LINGO2: variants seen among roughly 807,000 people sequenced by gnomAD.
LINGO2 encodes leucine-rich repeat and immunoglobulin-like domain-containing nogo receptor-interacting protein 2.
LINGO2 carries 14 observed loss-of-function variants against 30.6 expected under a neutral mutation model. The observed-to-expected ratio is 0.46, with a 90% CI of 0.30 to 0.72. LINGO2 has a LOEUF of 0.72. Ranked by LOEUF, LINGO2 falls within the 30% of genes least tolerant of loss-of-function variation. The probability of loss-of-function intolerance (pLI) is 0.07; values close to 1 mark genes in which losing one functional copy is unlikely to be tolerated. For synonymous variants in LINGO2, 317 were observed against 288.5 expected, an observed-to-expected ratio of 1.10 and a Z score of -1.00; for missense variants, 729 against 751.7, an observed-to-expected ratio of 0.97 and a Z score of 0.35.
the LINGO2 span, among the ~76,000 whole-genome samples, chr9:28,762,500 C>T: frequency 3.3e-5 from 5 of 151,926 alleles, no homozygotes; most frequent in Non-Finnish European, 7.4e-5. Context: ...TAGTCCCTCC[C>T]CCAAACTAAA....
chr9:28,350,208 T>C (rs1347106138), intron 3 of LINGO2, among the ~76,000 whole-genome samples: 2 of 140,774 alleles, frequency 1.4e-5, no homozygotes, highest in African/African-American at 5.4e-5. Flanking sequence ...GACTGGCAAA[T>C]TGGATAAAGA....
the LINGO2 span, among the ~76,000 whole-genome samples, chr9:29,168,718 G>A: frequency 6.6e-6 from 1 of 152,098 alleles, no homozygotes; most frequent in Non-Finnish European, 1.5e-5. Context: ...GAAACAGAAA[G>A]GTGAAAAGAA....
At position 28,054,633 on chromosome 9, in the gene LINGO2, CAG is replaced by C. The variant is rs1346368729; in HGVS notation, c.-86-42230_-86-42229del. Among the ~76,000 whole-genome samples, 4 of 152,204 alleles carry C rather than the reference CAG, an allele frequency of 2.6e-5. No homozygotes were observed. The East Asian group carries it at 5.8e-4, about 22-fold the overall frequency. On this transcript the variant is annotated intron_variant, in intron 4 of 5. Transcript: ENST00000379992. ...TATCTTCCTCAAAAGTGAACAAAAA[CAG>C]AGCAGGCATTAATTTGACTTTGTCT...
the LINGO2 span, among the ~76,000 whole-genome samples, chr9:29,175,296 C>T: frequency 1.3e-5 from 2 of 152,098 alleles, no homozygotes; most frequent in Non-Finnish European, 2.9e-5. Context: ...TCTCAGTGTT[C>T]ATTATTCACT....
At chr9:29,187,780 A>ATTTTTTTTTTTTTTT in the LINGO2 span, among the ~76,000 whole-genome samples, 6 of 118,846 alleles carry the variant, frequency 5.0e-5, no homozygotes, top group East Asian at 2.4e-4. Context: ...ATACATTTCA[A>ATTTTTTTTTTTTTTT]TTTTTTTTTT....
At chr9:29,020,514 A>G in the LINGO2 span, among the ~76,000 whole-genome samples, 1 of 152,152 alleles carries the variant, frequency 6.6e-6, no homozygotes, top group African/African-American at 2.4e-5. Flanking sequence ...TCTCTAGAAT[A>G]TGACTTTATT....
At chr9:28,440,421 G>A (rs947200284) in intron 2 of LINGO2, among the ~76,000 whole-genome samples, 1 of 152,130 alleles carries the variant, frequency 6.6e-6, no homozygotes, top group African/African-American at 2.4e-5. Flanking sequence ...TAGCTCTTCA[G>A]AAGAATTTGG....
chr9:28,735,232 C>A, the LINGO2 span, among the ~76,000 whole-genome samples: 1 of 152,142 alleles, frequency 6.6e-6, no homozygotes, highest in Non-Finnish European at 1.5e-5. Context: ...CCTTTCTCTG[C>A]TCTGCACACC....
At chr9:28,179,906 A>C (rs1468825790) in intron 4 of LINGO2, among the ~76,000 whole-genome samples, 2 of 151,958 alleles carry the variant, frequency 1.3e-5, no homozygotes, top group Non-Finnish European at 2.9e-5. Context: ...TTAGAGAAAC[A>C]AAATAGTCAA....
the LINGO2 span, among the ~76,000 whole-genome samples, chr9:29,157,777 A>G: frequency 6.6e-6 from 1 of 152,020 alleles, no homozygotes; most frequent in Non-Finnish European, 1.5e-5. Context: ...CCATTTTCCC[A>G]ATTTAAATCC....
At chr9:29,185,127 G>A in the LINGO2 span, among the ~76,000 whole-genome samples, 2 of 152,048 alleles carry the variant, frequency 1.3e-5, no homozygotes, top group Non-Finnish European at 2.9e-5. Flanking sequence ...GGCCTGCCTA[G>A]TCTATGACTA....
intron 1 of LINGO2, among the ~76,000 whole-genome samples, chr9:28,563,456 T>C (rs969420696): frequency 2.0e-5 from 3 of 152,128 alleles, no homozygotes; most frequent in East Asian, 3.9e-4. Flanking sequence ...AGAATAATCC[T>C]CTCTAAAGAC....
chr9:28,799,508 C>G, the LINGO2 span, among the ~76,000 whole-genome samples: 1 of 151,930 alleles, frequency 6.6e-6, no homozygotes, highest in South Asian at 2.1e-4. Flanking sequence ...ATCAAGTTAT[C>G]CAATATTTGG....
chr9:28,693,742 C>A, the LINGO2 span, among the ~76,000 whole-genome samples: 1 of 152,186 alleles, frequency 6.6e-6, no homozygotes, highest in East Asian at 1.9e-4. Context: ...AAAATAATTA[C>A]TGGCTTGAAA....
intron 4 of LINGO2, among the ~76,000 whole-genome samples, chr9:28,083,962 T>C (rs1825840858): frequency 6.6e-6 from 1 of 152,192 alleles, no homozygotes; most frequent in Non-Finnish European, 1.5e-5. Flanking sequence ...TTATAATCTG[T>C]TTTTTAATTA....
At chr9:29,079,006 T>G in the LINGO2 span, among the ~76,000 whole-genome samples, 2 of 151,974 alleles carry the variant, frequency 1.3e-5, no homozygotes, top group Non-Finnish European at 2.9e-5. Flanking sequence ...ATCCCCATTT[T>G]ACAAATGACC....
chr9:28,393,676 G>A (rs1821926577), intron 2 of LINGO2, among the ~76,000 whole-genome samples: 1 of 152,148 alleles, frequency 6.6e-6, no homozygotes, highest in African/African-American at 2.4e-5. Flanking sequence ...TGTCAGAGGT[G>A]AACATCAGGC....
At chr9:28,390,195 C>G (rs1245480142) in intron 2 of LINGO2, among the ~76,000 whole-genome samples, 1 of 152,174 alleles carries the variant, frequency 6.6e-6, no homozygotes, top group African/African-American at 2.4e-5. Flanking sequence ...CTGCCTTCTG[C>G]TGTACGATGC....
the LINGO2 span, among the ~76,000 whole-genome samples, chr9:28,861,893 T>C: frequency 6.6e-6 from 1 of 152,122 alleles, no homozygotes; most frequent in South Asian, 2.1e-4. Flanking sequence ...TACAAGGATA[T>C]AGGTACATGA....
Sources: gnomAD v4.1 joint callset for allele counts (sites outside exome capture counted in the v4.1 genomes callset) on GRCh38, gnomAD v4.1.1 for gene constraint, MANE v1.5 for transcripts, NCBI Gene and HGNC (gene_info 2026-07-23, HGNC 2026-07-21) for gene names.